TMEM132E: variants seen among roughly 807,000 people sequenced by gnomAD.
TMEM132E encodes the protein transmembrane protein 132E.
A neutral mutation model predicts 78.5 loss-of-function variants in TMEM132E; 49 were observed. The ratio of observed to expected loss-of-function variants is 0.62; its 90% confidence interval spans 0.50 to 0.79. The LOEUF (loss-of-function observed/expected upper bound fraction) is 0.79. TMEM132E is among the 30% of genes least tolerant of loss of function. TMEM132E has a pLI of 0.00. For synonymous variants in TMEM132E, 715 were observed against 670.6 expected, an observed-to-expected ratio of 1.07 and a Z score of -1.02; for missense variants, 1,403 against 1,470.9, an observed-to-expected ratio of 0.95 and a Z score of 0.75.
Position 34,627,005 on chromosome 17 carries a change from G to T in TMEM132E, c.946G>T (p.Ala316Ser). ...AGTGCTCAGCATCCTCCTCTATCTG[G>T]CCCCCAACTCCTCCTCGCCCTCCAG... ...GEVLSILLYL[A>S]PNSSSPSSPS... Residue 316 changes from alanine to serine, a missense_variant, in exon 2 of 9, where the codon GCC becomes TCC. Coordinates refer to ENST00000631683, the MANE Select transcript of TMEM132E (RefSeq NM_001304438.2). The T allele has an allele frequency of 2.5e-6, 4 of 1,613,802 alleles. No homozygotes were observed. The highest frequency in any genetic ancestry group is 3.4e-6 in the Non-Finnish European group (4 of 1,180,004).
intron 6 of TMEM132E, among the ~76,000 whole-genome samples, 167 bp downstream of exon 6, chr17:34,633,076 G>A (rs1423414683): frequency 6.6e-6 from 1 of 152,258 alleles, no homozygotes; most frequent in African/African-American, 2.4e-5. Context: ...GCTAGGCACT[G>A]GCAAGTGTTT....
At chr17:34,594,958 G>A (rs1906004377) in intron 1 of TMEM132E, among the ~76,000 whole-genome samples, 2 of 152,202 alleles carry the variant, frequency 1.3e-5, no homozygotes, top group African/African-American at 4.8e-5. Flanking sequence ...AAGACACAGT[G>A]GCTGGCTGAT....
At chr17:34,585,263 G>A (rs1004836005) in intron 1 of TMEM132E, among the ~76,000 whole-genome samples, 4 of 152,234 alleles carry the variant, frequency 2.6e-5, no homozygotes, top group African/African-American at 9.6e-5. Flanking sequence ...TAAGGCCACT[G>A]TGGAATACCA....
chr17:34,627,128 G>T, intron 2 of TMEM132E, 71 bp downstream of exon 2: 1 of 1,411,532 alleles, frequency 7.1e-7, no homozygotes, highest in Non-Finnish European at 9.8e-7. Context: ...CCTTGTGGGT[G>T]GGTTGGGGGG....
chr17:34,608,056 TG>T (rs1906472577), intron 1 of TMEM132E, among the ~76,000 whole-genome samples: 1 of 152,040 alleles, frequency 6.6e-6, no homozygotes, highest in Non-Finnish European at 1.5e-5. Flanking sequence ...GGTCAGGGAG[TG>T]GGGCTGAAGG....
chr17:34,638,261 C>CA lies in TMEM132E; in HGVS notation c.*29_*30insA. 2.0e-6 allele frequency: 3 copies of CA among 1,473,390 alleles called. No individual in the cohort carries two copies. Among genetic ancestry groups the CA allele is most frequent in the Non-Finnish European group, 1.8e-6 (2 of 1,113,416 alleles). 91.3% of individuals were successfully genotyped at this position (1,473,390 alleles called of 1,614,324 possible). On this transcript the variant is annotated 3_prime_UTR_variant, in exon 9 of 9. Coordinates refer to ENST00000631683, the MANE Select transcript of TMEM132E (RefSeq NM_001304438.2). ...CGCCAGCCGGAGTAGCAGGGACCCC[C>CA]CCCCCCAACGGGGTCAGCTCGGGGT...
intron 2 of TMEM132E, among the ~76,000 whole-genome samples, chr17:34,627,467 C>CGTGTGTGTGTGTGT (rs145658598): frequency 0.076 from 9,579 of 126,362 alleles, 643 homozygotes; most frequent in Admixed American, 0.16. Flanking sequence ...CCAAAAGAAT[C>CGTGTGTGTGTGTGT]GTGTGTGTGT....
At position 34,627,005 on chromosome 17, in the gene TMEM132E, G is replaced by A; in HGVS notation, c.946G>A (p.Ala316Thr). ...GEVLSILLYL[A>T]PNSSSPSSPS... is the part of the protein sequence containing the mutation. ...AGTGCTCAGCATCCTCCTCTATCTG[G>A]CCCCCAACTCCTCCTCGCCCTCCAG... The change falls in exon 2 of 9, where the codon GCC (alanine) becomes ACC (threonine). Residue 316 changes from alanine (A) to threonine (T), a missense_variant. Ala to Thr is a moderately conservative substitution (Grantham distance 58). Around this residue, in one of 3 missense-constraint regions of TMEM132E, gnomAD observed 511 missense variants for 499.0 expected, o/e 1.02. Coordinates refer to ENST00000631683, the MANE Select transcript of TMEM132E (RefSeq NM_001304438.2). The A allele has an allele frequency of 1.2e-6, 2 of 1,613,802 alleles. No homozygotes were observed. Among genetic ancestry groups the A allele is most frequent in the Non-Finnish European group, 1.7e-6 (2 of 1,180,004 alleles).
rs753049541 is a variant in TMEM132E at position 34,634,935 on chromosome 17, A to G, written c.1825A>G (p.Thr609Ala). 25 of 1,614,072 alleles carry G rather than the reference A, an allele frequency of 1.5e-5. No individual in the cohort carries two copies. The highest frequency in any genetic ancestry group is 1.3e-5 in the Non-Finnish European group (15 of 1,180,052). Residue 609 changes from threonine to alanine, a missense_variant, in exon 7 of 9, where the codon ACT (threonine) becomes GCT (alanine). By Grantham distance (58) the Thr-to-Ala change is moderately conservative (BLOSUM62 0). Coordinates refer to ENST00000631683, the MANE Select transcript of TMEM132E (RefSeq NM_001304438.2). ...GTTCCACACGACATCATCCGAGGGC[A>G]CTGACCAGGTGGTCACCATGTTAGG... ...TQFHTTSSEGTDQVVTMLGPD... is the reference protein window; with the variant it reads ...TQFHTTSSEGADQVVTMLGPD...
At chr17:34,616,521 C>T (rs139000824) in intron 1 of TMEM132E, among the ~76,000 whole-genome samples, 1 of 152,174 alleles carries the variant, frequency 6.6e-6, no homozygotes, top group Non-Finnish European at 1.5e-5. Context: ...CTGCTCCTAG[C>T]GCAGCCCAGG....
At chr17:34,592,010 TC>T (rs1340826377) in intron 1 of TMEM132E, among the ~76,000 whole-genome samples, 2 of 152,206 alleles carry the variant, frequency 1.3e-5, no homozygotes, top group Non-Finnish European at 2.9e-5. Flanking sequence ...TGTCTTTCCA[TC>T]CTTTCTTGCC....
intron 1 of TMEM132E, among the ~76,000 whole-genome samples, chr17:34,606,684 C>A (rs1906422892): frequency 6.6e-6 from 1 of 152,172 alleles, no homozygotes; most frequent in Non-Finnish European, 1.5e-5. Flanking sequence ...TACATAGGTC[C>A]CCTGGCAAGT....
chr17:34,581,492 C>G (rs1905480668), intron 1 of TMEM132E, among the ~76,000 whole-genome samples: 1 of 152,170 alleles, frequency 6.6e-6, no homozygotes, highest in Non-Finnish European at 1.5e-5. Flanking sequence ...CCCCCCGCCC[C>G]CGTCTCTCCC....
chr17:34,592,862 T>C (rs1389645214), intron 1 of TMEM132E, among the ~76,000 whole-genome samples: 1 of 152,188 alleles, frequency 6.6e-6, no homozygotes, highest in Non-Finnish European at 1.5e-5. Context: ...CTGGTGTTGC[T>C]CTTTCCACCA....
intron 5 of TMEM132E, among the ~76,000 whole-genome samples, chr17:34,630,440 A>G (rs1040599722): frequency 3.3e-5 from 5 of 152,176 alleles, no homozygotes; most frequent in African/African-American, 1.2e-4. Context: ...TGCTTTGGCC[A>G]GTCCTGGAGG....
intron 1 of TMEM132E, among the ~76,000 whole-genome samples, chr17:34,581,947 C>A (rs2142045374): frequency 6.6e-6 from 1 of 152,120 alleles, no homozygotes; most frequent in South Asian, 2.1e-4. Flanking sequence ...TTTGAACAGC[C>A]CCCAAGAATG....
intron 1 of TMEM132E, among the ~76,000 whole-genome samples, chr17:34,625,559 G>A (rs1379531329): frequency 6.6e-6 from 1 of 152,168 alleles, no homozygotes; most frequent in African/African-American, 2.4e-5. Flanking sequence ...CACTCAAAAA[G>A]GAAGTTACTG....
intron 1 of TMEM132E, among the ~76,000 whole-genome samples, chr17:34,617,598 A>G (rs1174665396): frequency 6.6e-6 from 1 of 152,160 alleles, no homozygotes; most frequent in African/African-American, 2.4e-5. Flanking sequence ...TTTAATCACA[A>G]CTCTGTGAAA....
chr17:34,629,293 T>C (rs1034461419), intron 4 of TMEM132E, 89 bp downstream of exon 4: 29 of 1,410,844 alleles, frequency 2.1e-5, no homozygotes, highest in Non-Finnish European at 2.4e-5. Context: ...ACTGAGTATA[T>C]GTACAAATTG....
Sources: gnomAD v4.1 joint callset for allele counts (sites outside exome capture counted in the v4.1 genomes callset) on GRCh38, gnomAD v4.1.1 for gene constraint, gnomAD v4.1.1 regional missense constraint, MANE v1.5 for transcripts, NCBI Gene and HGNC (gene_info 2026-07-23, HGNC 2026-07-21) for gene names.